Variants in DOCK2 observed in about 807,000 individuals in gnomAD.
DOCK2 encodes dedicator of cytokinesis protein 2.
In DOCK2, 87 loss-of-function variants were observed where a neutral mutation model predicts 248.9. The ratio of observed to expected loss-of-function variants is 0.35; its 90% CI spans 0.29 to 0.42. The LOEUF is 0.42. Ranked by LOEUF, DOCK2 falls within the 10% of genes least tolerant of loss-of-function variation. The probability of loss-of-function intolerance (pLI) is 1.00; values close to 1 mark genes in which losing one functional copy is unlikely to be tolerated. For missense variants in DOCK2, 1,747 were observed against 2,300.2 expected, an observed-to-expected ratio of 0.76 and a Z score of 4.92; for synonymous variants, 805 against 821.6, an observed-to-expected ratio of 0.98 and a Z score of 0.35.
intron 23 of DOCK2, among the ~76,000 whole-genome samples, chr5:169,750,190 G>A (rs753268257): frequency 6.6e-6 from 1 of 152,232 alleles, no homozygotes; most frequent in Non-Finnish European, 1.5e-5. Flanking sequence ...GAATGGAAGA[G>A]GGAATAGGTA....
chr5:169,874,649 C>T (rs766838092), intron 27 of DOCK2, among the ~76,000 whole-genome samples: 2 of 152,040 alleles, frequency 1.3e-5, no homozygotes, highest in Non-Finnish European at 2.9e-5. Context: ...ACCAGAGGGC[C>T]GTTCTTAGCG....
chr5:169,654,016 G>A (rs1051412532), intron 1 of DOCK2, among the ~76,000 whole-genome samples: 1 of 152,158 alleles, frequency 6.6e-6, no homozygotes, highest in Non-Finnish European at 1.5e-5. Flanking sequence ...TCTCCTACCT[G>A]GTATAGCACC....
rs1764676686 is a variant in DOCK2 at position 169,764,857 on chromosome 5, T to TTGTTGA, written c.2554+3237_2554+3238insATGTTG. Among the ~76,000 whole-genome samples the TTGTTGA allele has an allele frequency of 6.6e-6, 1 of 151,984 alleles. No homozygotes were observed. The highest frequency in any genetic ancestry group is 6.6e-5 in the Admixed American group (1 of 15,260). On this transcript the variant is annotated intron_variant, in intron 25 of 51. Transcript: ENST00000520908. This position sits in a 1 kb window ranked among gnomAD's most constrained non-coding sequence, Gnocchi z 4.3. ...ACTTTGAACGTGTTTGTTGTTGTTG[T>TTGTTGA]TGTTGTTGTTGTTGTTTTCAATTTT...
intron 27 of DOCK2, among the ~76,000 whole-genome samples, chr5:169,949,522 C>T (rs1776577386): frequency 6.6e-6 from 1 of 151,640 alleles, no homozygotes; most frequent in Admixed American, 6.6e-5. Flanking sequence ...CCTGGAACTC[C>T]ATACTGAATG....
At chr5:169,987,647 C>G (rs1338710649) in intron 29 of DOCK2, among the ~76,000 whole-genome samples, 1 of 152,164 alleles carries the variant, frequency 6.6e-6, no homozygotes, top group Non-Finnish European at 1.5e-5. Flanking sequence ...GAAATCCCAG[C>G]TTCATTCAAA....
intron 26 of DOCK2, among the ~76,000 whole-genome samples, chr5:169,805,966 T>C (rs964905219): frequency 2.0e-5 from 3 of 152,192 alleles, no homozygotes; most frequent in Middle Eastern, 3.2e-3. Context: ...TTAAATACTG[T>C]TATCACCATT....
At chr5:169,865,848 C>T (rs1215418430) in intron 27 of DOCK2, among the ~76,000 whole-genome samples, 1 of 152,220 alleles carries the variant, frequency 6.6e-6, no homozygotes, top group Non-Finnish European at 1.5e-5. Flanking sequence ...GGCTGGAAAA[C>T]AGCTGTCATT....
intron 14 of DOCK2, among the ~76,000 whole-genome samples, chr5:169,706,861 C>G (rs1002707422): frequency 3.3e-5 from 5 of 152,176 alleles, no homozygotes; most frequent in African/African-American, 9.7e-5. Flanking sequence ...GTGTGAAGGG[C>G]GAGTCTTCCT....
intron 13 of DOCK2, 195 bp from the exon 14 acceptor site, chr5:169,702,108 A>C (rs1761003020): frequency 2.2e-6 from 1 of 459,336 alleles, no homozygotes; most frequent in African/African-American, 2.0e-5. Flanking sequence ...ATTTCCTAGC[A>C]TCCCTTCATC....
At chr5:170,048,318 G>A (rs1319024533) in intron 40 of DOCK2, among the ~76,000 whole-genome samples, 2 of 152,108 alleles carry the variant, frequency 1.3e-5, no homozygotes, top group Non-Finnish European at 2.9e-5. Flanking sequence ...CTGAACCCAG[G>A]AGGTTGAGGC....
intron 27 of DOCK2, among the ~76,000 whole-genome samples, chr5:169,927,857 C>T (rs1423373184): frequency 6.6e-6 from 1 of 152,134 alleles, no homozygotes; most frequent in Non-Finnish European, 1.5e-5. Context: ...ACCTCATGAT[C>T]CACCCGTCTC....
chr5:169,949,532 G>C (rs992243114), intron 27 of DOCK2, among the ~76,000 whole-genome samples: 1 of 151,802 alleles, frequency 6.6e-6, no homozygotes, highest in African/African-American at 2.4e-5. Context: ...CATACTGAAT[G>C]GAGACTGAAT....
intron 27 of DOCK2, chr5:169,934,783 A>C: frequency 4.4e-6 from 2 of 450,108 alleles, no homozygotes; most frequent in South Asian, 1.6e-5. Flanking sequence ...TGCAATCCTT[A>C]TTGTTAGTTT....
chr5:169,863,116 T>C (rs1771306241), intron 27 of DOCK2, among the ~76,000 whole-genome samples: 1 of 152,230 alleles, frequency 6.6e-6, no homozygotes, highest in Non-Finnish European at 1.5e-5. Context: ...TGGATCCACA[T>C]GTATGTAGGT....
chr5:170,050,529 A>C, intron 41 of DOCK2, 132 bp downstream of exon 41: 2 of 1,052,948 alleles, frequency 1.9e-6, no homozygotes, highest in Non-Finnish European at 2.7e-6. Flanking sequence ...TTGCAGGAAC[A>C]TGCAACATGT....
chr5:169,906,757 C>T (rs1040400647), intron 27 of DOCK2, among the ~76,000 whole-genome samples: 1 of 152,164 alleles, frequency 6.6e-6, no homozygotes, highest in Non-Finnish European at 1.5e-5. Flanking sequence ...CATTCCTGAC[C>T]TCCTTGCTTT....
At chr5:169,995,469 A>T (rs945157006) in intron 29 of DOCK2, among the ~76,000 whole-genome samples, 1 of 152,268 alleles carries the variant, frequency 6.6e-6, no homozygotes, top group Non-Finnish European at 1.5e-5. Context: ...AAGATCCATC[A>T]ATAAGAAATG....
Position 169,964,278 on chromosome 5 carries a change from G to A in DOCK2, c.2800-18790G>A, listed in dbSNP as rs1353928872. On this transcript the variant is annotated intron_variant, in intron 27 of 51. Coordinates refer to ENST00000520908, the MANE Select transcript of DOCK2 (RefSeq NM_004946.3). The stretch of plus-strand genomic sequence containing the variant: ...TCAGGACTTCTGGATTGGGACTCCC[G>A]GACTCTGGCCCCCATCAGGCAGTTT... 3.3e-5 allele frequency among the ~76,000 whole-genome samples: 5 copies of A among 152,234 alleles called. No individual in the cohort carries two copies. In the South Asian group the frequency reaches 8.3e-4, roughly 25 times the overall value.
chr5:170,062,652 C>T (rs1477978864), intron 44 of DOCK2, among the ~76,000 whole-genome samples: 1 of 152,170 alleles, frequency 6.6e-6, no homozygotes, highest in African/African-American at 2.4e-5. Context: ...CATGGGTTGG[C>T]TCTTAACTTA....
Sources: allele counts gnomAD v4.1 joint callset (sites outside exome capture counted in the v4.1 genomes callset), GRCh38; gene constraint gnomAD v4.1.1; non-coding constraint Gnocchi (gnomAD v3.1); transcripts MANE v1.5; gene names NCBI Gene and HGNC (gene_info 2026-07-23, HGNC 2026-07-21).